Variants in SLC4A5 observed in about 807,000 individuals in gnomAD.
The protein encoded by SLC4A5 is electrogenic sodium bicarbonate cotransporter 4.
In SLC4A5, 96 loss-of-function variants were observed where a neutral mutation model predicts 120.4. That is an observed-to-expected ratio of 0.80 (90% CI 0.68 to 0.94). The LOEUF is 0.94. Among genes scored for constraint, SLC4A5 ranks in the 40% least tolerant of loss-of-function variants. The probability of loss-of-function intolerance (pLI) is 0.00; values close to 1 mark genes in which losing one functional copy is unlikely to be tolerated. For synonymous variants in SLC4A5, 550 were observed against 571.1 expected (o/e 0.96, Z 0.53); for missense variants, 1,259 against 1,459.5 (o/e 0.86, Z 2.24).
intron 8 of SLC4A5, among the ~76,000 whole-genome samples, chr2:74,279,099 T>C (rs2104129612): frequency 6.6e-6 from 1 of 152,364 alleles, no homozygotes; most frequent in South Asian, 2.1e-4. Context: ...ACACTTCTTG[T>C]AAGCCTACGA....
chr2:74,312,324 G>T (rs1672832817), intron 6 of SLC4A5, among the ~76,000 whole-genome samples: 1 of 151,766 alleles, frequency 6.6e-6, no homozygotes. Context: ...TCCACCTGCT[G>T]GGTTCAACTG....
intron 3 of SLC4A5, among the ~76,000 whole-genome samples, chr2:74,338,137 GA>G (rs1351532699): frequency 6.6e-6 from 1 of 152,182 alleles, no homozygotes; most frequent in Non-Finnish European, 1.5e-5. Context: ...TAATATTTCA[GA>G]GATGGAGCAG....
At chr2:74,303,121 T>C (rs918611597) in intron 7 of SLC4A5, among the ~76,000 whole-genome samples, 3 of 151,414 alleles carry the variant, frequency 2.0e-5, no homozygotes, top group African/African-American at 2.4e-5. Context: ...TGTGTGCGTG[T>C]GTGTGTGTGT....
intron 21 of SLC4A5, among the ~76,000 whole-genome samples, chr2:74,237,069 C>T (rs1670291244): frequency 6.6e-6 from 1 of 151,894 alleles, no homozygotes. Context: ...CTCTGCCTCC[C>T]GGGTTCATGC....
intron 5 of SLC4A5, among the ~76,000 whole-genome samples, chr2:74,316,938 T>C (rs1672983864): frequency 6.6e-6 from 1 of 152,226 alleles, no homozygotes; most frequent in Non-Finnish European, 1.5e-5. Context: ...TTCTAACGTA[T>C]AATGCCTAAT....
chr2:74,265,113 G>A lies in SLC4A5; in HGVS notation c.553C>T (p.Gln185Ter). 6.2e-7 allele frequency: 1 copy of A among 1,613,808 alleles called. No individual in the cohort carries two copies. The highest frequency in any genetic ancestry group is 1.3e-5 in the African/African-American group (1 of 75,058). Residue 185 changes from glutamine to a stop codon, truncating the protein, a stop_gained, in exon 9 of 31, where the codon CAG (glutamine) becomes TAG (stop). Transcript: ENST00000394019. LOFTEE classifies it high-confidence loss of function. ...GTGGCCCCTGCCTCACCTATGATCT[G>A]TGGTAAGGAGCCACTGTCCAAATCC...
rs1014355198 is a variant in SLC4A5, at chr2:74,339,671, C to T, written c.-269-768G>A. Reference sequence around the variant, plus strand: ...TACAGAGGTATTCCCTATTCAAGAACAATTAAGTAAATTCCACTTCTGGGT... The same window carrying T: ...TACAGAGGTATTCCCTATTCAAGAATAATTAAGTAAATTCCACTTCTGGGT... On this transcript the variant is annotated intron_variant, in intron 2 of 30. Coordinates refer to ENST00000394019, the Ensembl canonical transcript of SLC4A5. 3 of 152,168 alleles carry T rather than the reference C, an allele frequency of 2.0e-5. No homozygotes were observed. In the East Asian group the frequency reaches 5.8e-4, roughly 29 times the overall value. The allele number at this position is 152,168 out of a possible 1,614,324, so 9.4% of individuals were successfully genotyped here. A position where few individuals can be genotyped will look rare whatever the true frequency, so the allele number is the denominator to read the frequency against.
chr2:74,220,706 C>T (rs1694609295), intron 30 of SLC4A5, among the ~76,000 whole-genome samples: 2 of 149,758 alleles, frequency 1.3e-5, no homozygotes, highest in Non-Finnish European at 3.0e-5. Context: ...TTAGTAGAGA[C>T]AGGGTTTCAC....
In SLC4A5 at chr2:74,255,816, C is replaced by T. The variant is rs200497566; in HGVS notation, c.984G>A (p.Ser328=). The T allele has an allele frequency of 1.2e-5, 20 of 1,614,062 alleles. No individual in the cohort carries two copies. Among genetic ancestry groups the T allele is most frequent in the South Asian group, 1.1e-4 (10 of 91,092 alleles). ...CCTCGGTCACTCCTCCCAGCATGGC[C>T]GACTGGATGAGGCGCACGAACGCGA... Residue 328 remains serine (S), a synonymous_variant, in exon 13 of 31, where the codon TCG becomes TCA. Transcript: ENST00000394019. The surrounding 1 kb of genome is among the most constrained non-coding windows in gnomAD (Gnocchi z 4.0).
intron 7 of SLC4A5, among the ~76,000 whole-genome samples, chr2:74,300,760 G>A (rs762235960): frequency 1.3e-5 from 2 of 152,186 alleles, no homozygotes; most frequent in Non-Finnish European, 2.9e-5. Flanking sequence ...TCTCCAAGGA[G>A]CTCTGACATG....
At chr2:74,298,124 C>T (rs531928084) in intron 7 of SLC4A5, among the ~76,000 whole-genome samples, 2 of 152,168 alleles carry the variant, frequency 1.3e-5, no homozygotes, top group Non-Finnish European at 2.9e-5. Context: ...CTCCCTTTTA[C>T]TGTTGGTGTG....
intron 2 of SLC4A5, 197 bp from the exon 3 acceptor site, chr2:74,339,100 T>C (rs1573118540): frequency 6.6e-6 from 1 of 152,252 alleles, no homozygotes; most frequent in Non-Finnish European, 1.5e-5. Context: ...ACAACCTGAA[T>C]GTCCATGAAT....
intron 6 of SLC4A5, chr2:74,307,185 C>G (rs1386952602): frequency 3.6e-6 from 2 of 554,282 alleles, no homozygotes; most frequent in Admixed American, 4.6e-5. Context: ...CACTGTGGTG[C>G]TCTCCTCCAT....
At chr2:74,287,685 C>T (rs1439240119) in intron 7 of SLC4A5, among the ~76,000 whole-genome samples, 2 of 152,206 alleles carry the variant, frequency 1.3e-5, no homozygotes, top group Non-Finnish European at 2.9e-5. Context: ...CTTGATTCAA[C>T]TCCTACCCCA....
intron 19 of SLC4A5, among the ~76,000 whole-genome samples, chr2:74,246,138 C>T (rs561871936): frequency 4.6e-5 from 7 of 152,340 alleles, no homozygotes; most frequent in Non-Finnish European, 7.3e-5. Flanking sequence ...GGCTCAGATG[C>T]TATGGGAAGC....
intron 7 of SLC4A5, 126 bp downstream of exon 7, chr2:74,304,363 G>C: frequency 2.0e-6 from 2 of 982,944 alleles, no homozygotes; most frequent in South Asian, 1.9e-5. Context: ...GAGGGGGCCA[G>C]AGAGGTTAGG....
chr2:74,287,642 C>A (rs1215490228), intron 7 of SLC4A5, among the ~76,000 whole-genome samples: 2 of 152,180 alleles, frequency 1.3e-5, no homozygotes, highest in Non-Finnish European at 2.9e-5. Context: ...TCCCTCAAGG[C>A]TGTCCCTAAC....
intron 17 of SLC4A5, among the ~76,000 whole-genome samples, chr2:74,249,361 T>A (rs1670719657): frequency 6.6e-6 from 1 of 151,540 alleles, no homozygotes; most frequent in South Asian, 2.1e-4. Flanking sequence ...TTAAGTGGAG[T>A]GATAAGAAAC....
At chr2:74,267,313 T>C (rs1358586930) in intron 8 of SLC4A5, among the ~76,000 whole-genome samples, 1 of 152,168 alleles carries the variant, frequency 6.6e-6, no homozygotes, top group Non-Finnish European at 1.5e-5. Flanking sequence ...ATCACAGGAA[T>C]ATAATTACAC....
Sources: gnomAD v4.1 joint callset for allele counts (sites outside exome capture counted in the v4.1 genomes callset) on GRCh38, gnomAD v4.1.1 for gene constraint, Gnocchi (gnomAD v3.1) non-coding constraint, MANE v1.5 for transcripts, NCBI Gene and HGNC (gene_info 2026-07-23, HGNC 2026-07-21) for gene names.